Variants in E2F8 observed in about 807,000 individuals in gnomAD.
The protein encoded by E2F8 is E2F transcription factor 8, also known as transcription factor E2F8.
A neutral mutation model predicts 80.8 loss-of-function variants in E2F8; 35 were observed. The ratio of observed to expected loss-of-function variants is 0.43; its 90% confidence interval spans 0.33 to 0.57. The LOEUF (loss-of-function observed/expected upper bound fraction) is 0.57. Among genes scored for constraint, E2F8 ranks in the 20% least tolerant of loss-of-function variants. The pLI is 0.04. For synonymous variants in E2F8, 386 were observed against 395.0 expected, an observed-to-expected ratio of 0.98 and a Z score of 0.27; for missense variants, 975 against 1,056.2, an observed-to-expected ratio of 0.92 and a Z score of 1.07.
chr11:19,237,363 G>A lies in E2F8; in HGVS notation c.402C>T (p.Asn134=). ...GGCAGATGTCATTATTCACAGCAGG[G>A]TTGGGATAATTAGGATATCGTGCTA... ...KFLARYPNYP[N]PAVNNDICLD... Residue 134 remains asparagine, a synonymous_variant, in exon 4 of 13, where the codon AAC becomes AAT. Transcript: ENST00000250024. 11 of 1,614,126 alleles carry A rather than the reference G, an allele frequency of 6.8e-6. 1 individual carries two copies. The South Asian group carries it at 1.2e-4, about 18-fold the overall frequency.
At chr11:19,240,275 C>T (rs1851624622) in intron 1 of E2F8, 45 bp from the exon 2 acceptor site, 2 of 423,578 alleles carry the variant, frequency 4.7e-6, no homozygotes, top group Middle Eastern at 1.2e-3. Context: ...AAAACAAGAA[C>T]CAAAAGATCT....
chr11:19,238,231 G>A lies in E2F8; in HGVS notation c.16-99C>T, dbSNP rs897656009. 1.2e-4 allele frequency: 149 copies of A among 1,236,244 alleles called. 1 individual carries two copies. In the African/African-American group the frequency reaches 2.0e-3, roughly 17 times the overall value. 76.6% of individuals were successfully genotyped at this position (1,236,244 alleles called of 1,614,324 possible). ...GCATAACGAATAGAATCATGCCAAG[G>A]AAAAAATGTCTAATGAGATTGTAGA... On this transcript the variant is annotated intron_variant, in intron 2 of 12. Transcript: ENST00000250024.
At chr11:19,237,802 C>T (rs1341084713) in intron 3 of E2F8, 52 bp downstream of exon 3, 3 of 1,562,846 alleles carry the variant, frequency 1.9e-6, no homozygotes, top group Non-Finnish European at 2.6e-6. Flanking sequence ...TACAACCTCC[C>T]CCCTCCCCCC....
intron 7 of E2F8, among the ~76,000 whole-genome samples, chr11:19,231,078 G>A (rs1851368355): frequency 6.6e-6 from 1 of 152,192 alleles, no homozygotes; most frequent in South Asian, 2.1e-4. Flanking sequence ...GTGTGCTAGA[G>A]TGTAGTTATT....
chr11:19,228,661 T>G (rs1250505900), intron 10 of E2F8, among the ~76,000 whole-genome samples: 1 of 152,202 alleles, frequency 6.6e-6, no homozygotes, highest in African/African-American at 2.4e-5. Flanking sequence ...TAAAATAGCT[T>G]GTATTAAGAG....
intron 4 of E2F8, among the ~76,000 whole-genome samples, chr11:19,235,653 A>G (rs1037623648): frequency 1.2e-5 from 1 of 81,294 alleles, no homozygotes; most frequent in Non-Finnish European, 2.6e-5. Context: ...CGTCTCAAAA[A>G]CAAACAAACA....
chr11:19,237,735 A>C, intron 3 of E2F8, 119 bp downstream of exon 3: 1 of 1,306,492 alleles, frequency 7.7e-7, no homozygotes, highest in Non-Finnish European at 1.1e-6. Context: ...CTCCGAAGGA[A>C]GTTAATAACA....
At chr11:19,236,302 C>T (rs7118505) in intron 4 of E2F8, among the ~76,000 whole-genome samples, 110,075 of 152,132 alleles carry the variant, frequency 0.72, 45,996 homozygotes, top group East Asian at 1. Flanking sequence ...TATGGCAAAG[C>T]ACCTCCCCAG....
In E2F8 at chr11:19,230,679, G is replaced by C. The variant is rs754611426; in HGVS notation, c.1222C>G (p.Arg408Gly). ...CTGGGCGCAGAATTTATCTTTCTCC[G>C]ATCACTTTCTATACTCTTTACCAAT... ...IKLVKSIESD[R>G]RKINSAPSSP... is the part of the protein sequence containing the mutation. Residue 408 changes from arginine to glycine, a missense_variant, in exon 8 of 13, where the codon CGG (arginine) becomes GGG (glycine). Coordinates refer to ENST00000250024, the MANE Select transcript of E2F8 (RefSeq NM_024680.4). 1 of 1,614,106 alleles carries C rather than the reference G, an allele frequency of 6.2e-7. No homozygotes were observed. Among genetic ancestry groups the C allele is most frequent in the East Asian group, 2.2e-5 (1 of 44,876 alleles).
intron 10 of E2F8, among the ~76,000 whole-genome samples, chr11:19,227,595 C>T (rs1851268345): frequency 6.6e-6 from 1 of 152,218 alleles, no homozygotes; most frequent in Non-Finnish European, 1.5e-5. Context: ...ACTCTTCTAG[C>T]CTACAGTAGC....
chr11:19,236,839 C>A (rs940383252), intron 4 of E2F8, among the ~76,000 whole-genome samples: 1 of 152,240 alleles, frequency 6.6e-6, no homozygotes, highest in Admixed American at 6.5e-5. Context: ...GGAGGAATAA[C>A]TTGTGCCCAA....
chr11:19,225,013 G>T, intron 12 of E2F8, 173 bp from the exon 13 acceptor site: 1 of 1,112,040 alleles, frequency 9.0e-7, no homozygotes, highest in Non-Finnish European at 1.3e-6. Context: ...TTTTTGTTAG[G>T]GGAGAGACAA....
chr11:19,238,395 T>C (rs1238966844), intron 2 of E2F8, among the ~76,000 whole-genome samples: 3 of 152,268 alleles, frequency 2.0e-5, no homozygotes, highest in Non-Finnish European at 4.4e-5. Flanking sequence ...AAAACAACTT[T>C]AGTTAGGACT....
In E2F8 at chr11:19,224,603, C is replaced by T; in HGVS notation, c.*55G>A. On this transcript the variant is annotated 3_prime_UTR_variant, in exon 13 of 13. Coordinates refer to ENST00000250024, the MANE Select transcript of E2F8 (RefSeq NM_024680.4). ...TGTGTTCTCCAAATCAGTCTGTGTA[C>T]ATTTTCTCTATTAAACAACTCTTTA... The T allele has an allele frequency of 2.5e-6, 4 of 1,572,138 alleles. No individual in the cohort carries two copies. In the South Asian group the frequency reaches 3.4e-5, roughly 13 times the overall value.
intron 12 of E2F8, 165 bp downstream of exon 12, chr11:19,225,056 T>C (rs1851193619): frequency 3.5e-6 from 4 of 1,152,274 alleles, no homozygotes; most frequent in Admixed American, 2.3e-5. Flanking sequence ...TATGGATGCC[T>C]TGGACACTCT....
intron 12 of E2F8, 189 bp downstream of exon 12, chr11:19,225,032 T>C (rs868323606): frequency 2.4e-5 from 27 of 1,134,036 alleles, no homozygotes; most frequent in South Asian, 1.9e-4. Context: ...AAAAATCTCA[T>C]GATAACCCAA....
rs1345090353 is a variant in E2F8, at chr11:19,224,852, G to A, written c.2422-12C>T. On this transcript the variant is annotated splice_polypyrimidine_tract_variant and intron_variant, in intron 12 of 12. Transcript: ENST00000250024. ...GTCACAGGAACAGGCTGATTGGAAA[G>A]AGAAGAATGGACAAAAGAAGTCAAC... The A allele has an allele frequency of 6.2e-7, 1 of 1,613,758 alleles. No homozygotes were observed. Among genetic ancestry groups the A allele is most frequent in the Non-Finnish European group, 8.5e-7 (1 of 1,179,936 alleles).
intron 3 of E2F8, 48 bp downstream of exon 3, chr11:19,237,806 T>C (rs1565072726): frequency 8.1e-6 from 11 of 1,354,732 alleles, no homozygotes; most frequent in Admixed American, 3.8e-5. Context: ...ACCTCCCCCC[T>C]CCCCCCAACA....
rs747300781 is a variant in E2F8 at position 19,225,515 on chromosome 11, G to C, written c.2127C>G (p.Ala709=). The C allele has an allele frequency of 1.2e-6, 2 of 1,614,212 alleles. No homozygotes were observed. The highest frequency in any genetic ancestry group is 8.5e-7 in the Non-Finnish European group (1 of 1,180,046). Residue 709 remains alanine, a synonymous_variant, in exon 12 of 13, where the codon GCC becomes GCG. Coordinates refer to ENST00000250024, the MANE Select transcript of E2F8 (RefSeq NM_024680.4). ...KLMVSPTSVA[A]VPVGNSPALA... Reference sequence around the variant, plus strand: ...GAGCCGGGCTGTTCCCGACAGGTACGGCTGCCACGGAAGTTGGTGAGACCA... The same window carrying C: ...GAGCCGGGCTGTTCCCGACAGGTACCGCTGCCACGGAAGTTGGTGAGACCA...
Sources: gnomAD v4.1 joint callset for allele counts (sites outside exome capture counted in the v4.1 genomes callset) on GRCh38, gnomAD v4.1.1 for gene constraint, MANE v1.5 for transcripts, NCBI Gene and HGNC (gene_info 2026-07-23, HGNC 2026-07-21) for gene names.